Variants in DUSP29 observed in about 807,000 individuals in gnomAD.
The protein encoded by DUSP29 is dual specificity phosphatase 29.
DUSP29 carries 12 observed loss-of-function variants against 13.5 expected under a neutral mutation model. The ratio of observed to expected loss-of-function variants is 0.89; its 90% CI spans 0.57 to 1.44. DUSP29 has a LOEUF of 1.44. Among genes scored for constraint, DUSP29 ranks in the 40% most tolerant of loss-of-function variants. The pLI, the probability that DUSP29 is intolerant of heterozygous loss-of-function variation, is 0.00. For missense variants in DUSP29, 308 were observed against 301.1 expected (o/e 1.02, Z -0.17); for synonymous variants, 134 against 128.7 (o/e 1.04, Z -0.28).
intron 2 of DUSP29, among the ~76,000 whole-genome samples, chr10:75,050,661 C>T (rs775429958): frequency 2.0e-5 from 3 of 152,262 alleles, no homozygotes; most frequent in Non-Finnish European, 4.4e-5. Flanking sequence ...GGACGCTGTG[C>T]CGAGTCATGC....
At chr10:75,049,150 T>C in intron 2 of DUSP29, among the ~76,000 whole-genome samples, 1 of 152,232 alleles carries the variant, frequency 6.6e-6, no homozygotes, top group Admixed American at 6.5e-5. Flanking sequence ...CTACATTTTG[T>C]ACATTTTCAG....
intron 3 of DUSP29, among the ~76,000 whole-genome samples, chr10:75,038,420 C>T (rs1429257882): frequency 6.6e-6 from 1 of 152,096 alleles, no homozygotes; most frequent in Non-Finnish European, 1.5e-5. Flanking sequence ...CTGGGGGAGG[C>T]TGGTCCCAGG....
rs576798279 is a variant in DUSP29 at position 75,062,430 on chromosome 10, C to T, written c.-34-3882G>A. Among the ~76,000 whole-genome samples the T allele has an allele frequency of 5.9e-5, 9 of 152,332 alleles. No individual in the cohort carries two copies. The South Asian group carries it at 1.7e-3, about 28-fold the overall frequency. ...ACCCTTGGTGAGGCCATTCTTCCTT[C>T]ATTACACTGTGGAGGGAACCATCCC... is the stretch of plus-strand genomic sequence containing the variant. On this transcript the variant is annotated intron_variant, in intron 1 of 3. Coordinates refer to ENST00000338487, the MANE Select transcript of DUSP29 (RefSeq NM_001003892.3).
At chr10:75,060,914 A>T (rs1847074607) in intron 1 of DUSP29, among the ~76,000 whole-genome samples, 1 of 152,260 alleles carries the variant, frequency 6.6e-6, no homozygotes, top group Non-Finnish European at 1.5e-5. Flanking sequence ...ATTTGCTTCA[A>T]AAATAATATA....
intron 3 of DUSP29, among the ~76,000 whole-genome samples, chr10:75,041,582 T>C (rs182143615): frequency 2.0e-5 from 3 of 152,320 alleles, no homozygotes; most frequent in African/African-American, 7.2e-5. Flanking sequence ...TGCATGGTTC[T>C]GCAGGGTAGG....
chr10:75,062,917 T>C (rs1335493370), intron 1 of DUSP29, among the ~76,000 whole-genome samples: 1 of 152,160 alleles, frequency 6.6e-6, no homozygotes, highest in Admixed American at 6.5e-5. Flanking sequence ...ATTTAAAGAT[T>C]TGGTCCCAGG....
chr10:75,058,577 G>T, intron 1 of DUSP29, 29 bp from the exon 2 acceptor site: 1 of 1,569,650 alleles, frequency 6.4e-7, no homozygotes, highest in Non-Finnish European at 8.7e-7. Flanking sequence ...CAGGATGGGG[G>T]TTAGCAGGGG....
At chr10:75,072,328 C>T (rs1229868227) in intron 1 of DUSP29, among the ~76,000 whole-genome samples, 1 of 152,138 alleles carries the variant, frequency 6.6e-6, no homozygotes, top group Non-Finnish European at 1.5e-5. Flanking sequence ...GGTCAGAGCC[C>T]CACAGCCTGC....
At chr10:75,055,300 G>A (rs1564643141) in intron 2 of DUSP29, among the ~76,000 whole-genome samples, 1 of 150,102 alleles carries the variant, frequency 6.7e-6, no homozygotes, top group African/African-American at 2.5e-5. Context: ...TCTTATTTCT[G>A]TAAATTACAT....
rs1392667161 is a variant in DUSP29, at chr10:75,043,875, C to T, written c.343G>A (p.Asp115Asn). 1.2e-6 allele frequency: 2 copies of T among 1,614,048 alleles called. No individual in the cohort carries two copies. Among genetic ancestry groups the T allele is most frequent in the South Asian group, 1.1e-5 (1 of 91,082 alleles). Residue 115 changes from aspartate (D) to asparagine (N), a missense_variant, in exon 3 of 4, where the codon GAC becomes AAC. Transcript: ENST00000338487. Reference protein sequence around the residue: ...DIQYHGVEADDLPTFDLSVFF... With the variant: ...DIQYHGVEADNLPTFDLSVFF... ...ACACTGAGGTCGAAGGTGGGCAGGT[C>T]GTCGGCCTCCACGCCGTGGTACTGG...
At chr10:75,040,214 T>C (rs528676757) in intron 3 of DUSP29, among the ~76,000 whole-genome samples, 5 of 152,244 alleles carry the variant, frequency 3.3e-5, no homozygotes, top group East Asian at 1.9e-4. Flanking sequence ...GAAAATCTGG[T>C]CGGTTAAAGC....
At chr10:75,072,501 G>A (rs774665020) in intron 1 of DUSP29, among the ~76,000 whole-genome samples, 4 of 151,896 alleles carry the variant, frequency 2.6e-5, no homozygotes, top group South Asian at 2.1e-4. Context: ...CATGCCCAAC[G>A]CGCCTTCCTT....
chr10:75,039,420 G>A (rs941177784), intron 3 of DUSP29, among the ~76,000 whole-genome samples: 1 of 152,184 alleles, frequency 6.6e-6, no homozygotes, highest in African/African-American at 2.4e-5. Context: ...GGAGGCGGAG[G>A]CAGGAGAATT....
chr10:75,045,950 G>A (rs189230777), intron 2 of DUSP29, among the ~76,000 whole-genome samples: 332 of 151,914 alleles, frequency 2.2e-3, no homozygotes, highest in African/African-American at 7.5e-3. Flanking sequence ...ATCTCTACAA[G>A]ATATAAGGGA....
intron 1 of DUSP29, among the ~76,000 whole-genome samples, chr10:75,066,503 C>T (rs1847204306): frequency 6.6e-6 from 1 of 152,172 alleles, no homozygotes; most frequent in South Asian, 2.1e-4. Flanking sequence ...AATATTAACA[C>T]TGGCTACATG....
chr10:75,069,452 G>T (rs1449186893), intron 1 of DUSP29, among the ~76,000 whole-genome samples: 1 of 152,190 alleles, frequency 6.6e-6, no homozygotes, highest in Non-Finnish European at 1.5e-5. Context: ...TTCCCACTGG[G>T]CCTCACCTCA....
At chr10:75,042,198 C>T (rs1469897860) in intron 3 of DUSP29, among the ~76,000 whole-genome samples, 1 of 152,206 alleles carries the variant, frequency 6.6e-6, no homozygotes, top group African/African-American at 2.4e-5. Context: ...TTTTTATCAC[C>T]GGATGGAGAA....
intron 2 of DUSP29, among the ~76,000 whole-genome samples, chr10:75,044,229 G>A (rs1846655741): frequency 6.6e-6 from 1 of 152,228 alleles, no homozygotes; most frequent in South Asian, 2.1e-4. Context: ...GAAAGGACAG[G>A]GTGGAGGCTG....
At chr10:75,059,096 A>T (rs1847031935) in intron 1 of DUSP29, among the ~76,000 whole-genome samples, 1 of 152,132 alleles carries the variant, frequency 6.6e-6, no homozygotes, top group South Asian at 2.1e-4. Flanking sequence ...TTGAGAGGGG[A>T]GGAAACCTGG....
Sources: allele counts gnomAD v4.1 joint callset (sites outside exome capture counted in the v4.1 genomes callset), GRCh38; gene constraint gnomAD v4.1.1; transcripts MANE v1.5; gene names NCBI Gene and HGNC (gene_info 2026-07-23, HGNC 2026-07-21).